DPF3: variants seen among roughly 807,000 people sequenced by gnomAD.
DPF3 encodes zinc finger protein DPF3.
Under a neutral mutation model 56.8 loss-of-function variants are expected in DPF3, and 18 were observed. The observed-to-expected ratio is 0.32, with a 90% CI of 0.22 to 0.47. The LOEUF is 0.47. Ranked by LOEUF, DPF3 falls within the 20% of genes least tolerant of loss-of-function variation. The pLI, the probability that DPF3 is intolerant of heterozygous loss-of-function variation, is 1.00. For missense variants in DPF3, 403 were observed against 488.8 expected, an observed-to-expected ratio of 0.82 and a Z score of 1.65; for synonymous variants, 188 against 180.2, an observed-to-expected ratio of 1.04 and a Z score of -0.35.
intron 1 of DPF3, among the ~76,000 whole-genome samples, chr14:72,799,325 C>T (rs1271642008): frequency 6.6e-6 from 1 of 152,172 alleles, no homozygotes; most frequent in African/African-American, 2.4e-5. Context: ...CTCTACCCTC[C>T]AACTTCAGAG....
Position 72,618,237 on chromosome 14 carries a change from G to T in DPF3, c.*1060C>A, listed in dbSNP as rs1428817404. 6.6e-6 allele frequency among the ~76,000 whole-genome samples: 1 copy of T among 152,176 alleles called. No individual in the cohort carries two copies. Among genetic ancestry groups the T allele is most frequent in the Non-Finnish European group, 1.5e-5 (1 of 68,040 alleles). ...TCCTAAAATTCCCAGTCAGGTCTCA[G>T]TAGACAATAGCGAACAAACACTACG... On this transcript the variant is annotated 3_prime_UTR_variant, in exon 11 of 11. Transcript: ENST00000556509.
intron 8 of DPF3, among the ~76,000 whole-genome samples, chr14:72,646,247 C>T (rs1012398875): frequency 2.0e-5 from 3 of 152,190 alleles, no homozygotes; most frequent in Admixed American, 2.0e-4. Flanking sequence ...ATTCATCCTC[C>T]AAGTCCAGTC....
intron 7 of DPF3, among the ~76,000 whole-genome samples, chr14:72,688,590 C>A (rs1567200975): frequency 6.6e-6 from 1 of 152,196 alleles, no homozygotes; most frequent in Non-Finnish European, 1.5e-5. Context: ...CACTGGGGCT[C>A]CCTACCAAGG....
chr14:72,711,410 C>T (rs978596323), intron 6 of DPF3, among the ~76,000 whole-genome samples: 2 of 152,032 alleles, frequency 1.3e-5, no homozygotes, highest in Non-Finnish European at 2.9e-5. Context: ...AATAATCAAA[C>T]GCATAAGTAG....
rs938436011 is a variant in DPF3, at chr14:72,613,048, G to A, written c.*6249C>T. 2.6e-5 allele frequency among the ~76,000 whole-genome samples: 4 copies of A among 152,052 alleles called. No individual in the cohort carries two copies. The highest frequency in any genetic ancestry group is 7.2e-5 in the African/African-American group (3 of 41,468). Reference sequence around the variant, plus strand: ...TGTGTGTGTATGTGCGTGCGTGCACGCACGCGCATGCACATGGGCATTCCT... The same window carrying A: ...TGTGTGTGTATGTGCGTGCGTGCACACACGCGCATGCACATGGGCATTCCT... On this transcript the variant is annotated 3_prime_UTR_variant, in exon 11 of 11. Transcript: ENST00000556509.
intron 1 of DPF3, among the ~76,000 whole-genome samples, chr14:72,858,495 TC>T (rs1309433314): frequency 9.9e-5 from 15 of 152,126 alleles, no homozygotes; most frequent in Non-Finnish European, 2.2e-4. Flanking sequence ...TTGTGGGCCA[TC>T]GTATTCCATC....
At chr14:72,621,599 T>C (rs1206868463) in intron 9 of DPF3, among the ~76,000 whole-genome samples, 1 of 152,174 alleles carries the variant, frequency 6.6e-6, no homozygotes, top group Non-Finnish European at 1.5e-5. Flanking sequence ...TACGATCAGA[T>C]TGCAGTTTAG....
At chr14:72,793,589 A>C (rs1225873612) in intron 1 of DPF3, among the ~76,000 whole-genome samples, 1 of 152,148 alleles carries the variant, frequency 6.6e-6, no homozygotes, top group Admixed American at 6.5e-5. Flanking sequence ...CCAGGAAGGA[A>C]AAAAGGAAAT....
At chr14:72,726,678 G>A (rs58439153) in intron 4 of DPF3, among the ~76,000 whole-genome samples, 4,343 of 152,206 alleles carry the variant, frequency 0.029, 199 homozygotes, top group African/African-American at 0.099. Flanking sequence ...ATCAGGAGTC[G>A]CCGACGGGGG....
At chr14:72,778,129 C>T (rs371885374) in intron 1 of DPF3, among the ~76,000 whole-genome samples, 76 of 152,246 alleles carry the variant, frequency 5.0e-4, no homozygotes, top group African/African-American at 1.7e-3. Context: ...CCTGCTAGCA[C>T]CCTCATCTTG....
chr14:72,847,029 A>G lies in DPF3; in HGVS notation c.32+47028T>C, dbSNP rs186247838. Reference sequence around the variant, plus strand: ...CTTCATTAACATATTTCTCAGTGATAAGAAGGGCCCAGGGTTCAACATCCC... The same window carrying G: ...CTTCATTAACATATTTCTCAGTGATGAGAAGGGCCCAGGGTTCAACATCCC... On this transcript the variant is annotated intron_variant, in intron 1 of 10. Coordinates refer to ENST00000556509, the MANE Select transcript of DPF3 (RefSeq NM_001280542.3). Among the ~76,000 whole-genome samples the G allele has an allele frequency of 4.6e-3, 701 of 152,294 alleles. 2 individuals carry two copies. Among genetic ancestry groups the G allele is most frequent in the Non-Finnish European group, 6.6e-3 (452 of 68,028 alleles).
chr14:72,753,768 C>T (rs962580487), intron 2 of DPF3, among the ~76,000 whole-genome samples: 7 of 152,150 alleles, frequency 4.6e-5, no homozygotes, highest in African/African-American at 1.4e-4. Context: ...CAAAACGGAG[C>T]AGCAGTCAGT....
intron 6 of DPF3, among the ~76,000 whole-genome samples, chr14:72,707,952 A>G (rs1182632825): frequency 6.6e-6 from 1 of 152,188 alleles, no homozygotes; most frequent in Non-Finnish European, 1.5e-5. Context: ...TTCCATAGAA[A>G]AAGTTATTTT....
At position 72,611,493 on chromosome 14, in the gene DPF3, C is replaced by A. The variant is rs1261350908; in HGVS notation, c.*7804G>T. Among the ~76,000 whole-genome samples, 1 of 152,062 alleles carries A rather than the reference C, an allele frequency of 6.6e-6. No individual in the cohort carries two copies. Among genetic ancestry groups the A allele is most frequent in the African/African-American group, 2.4e-5 (1 of 41,366 alleles). ...TTGCTGGGGTCTGGTGGAGTGTGCC[C>A]AATCTGTACTTGAAGCCCCCACCCC... On this transcript the variant is annotated 3_prime_UTR_variant, in exon 11 of 11. Coordinates refer to ENST00000556509, the MANE Select transcript of DPF3 (RefSeq NM_001280542.3).
At chr14:72,825,449 ACT>A (rs767948069) in intron 1 of DPF3, among the ~76,000 whole-genome samples, 52 of 152,212 alleles carry the variant, frequency 3.4e-4, no homozygotes, top group Non-Finnish European at 6.0e-4. Flanking sequence ...CCTGGCTCAC[ACT>A]CTCTCACAGA....
chr14:72,736,519 C>G (rs985803531), intron 3 of DPF3, among the ~76,000 whole-genome samples: 1 of 152,174 alleles, frequency 6.6e-6, no homozygotes, highest in African/African-American at 2.4e-5. Flanking sequence ...ACTGCAAACC[C>G]TGGTTGCAAA....
At chr14:72,689,556 C>G (rs1210117115) in intron 7 of DPF3, among the ~76,000 whole-genome samples, 1 of 152,224 alleles carries the variant, frequency 6.6e-6, no homozygotes, top group Non-Finnish European at 1.5e-5. Flanking sequence ...ATTCAGCACA[C>G]AGCCCCAGTA....
In DPF3 at chr14:72,796,178, G is replaced by A. The variant is rs116986429; in HGVS notation, c.33-24285C>T. Among the ~76,000 whole-genome samples the A allele has an allele frequency of 9.0e-3, 1,372 of 152,306 alleles. 15 individuals carry two copies. The highest frequency in any genetic ancestry group is 0.024 in the South Asian group (114 of 4,830). On this transcript the variant is annotated intron_variant, in intron 1 of 10. Transcript: ENST00000556509. ...TAATTAGCTGGGTGACTTTAAGAAAGTATGTAACTTATCTGAGCATCCCTT... is the reference window on the plus strand; with the variant it reads ...TAATTAGCTGGGTGACTTTAAGAAAATATGTAACTTATCTGAGCATCCCTT...
rs80116191 is a variant in DPF3 at position 72,787,385 on chromosome 14, C to G, written c.33-15492G>C. ...GGGTTTTTGGCAAATCTCTCAAGCC[C>G]TCTGGGCCCAGGTCTCCCACGTCAA... On this transcript the variant is annotated intron_variant, in intron 1 of 10. Transcript: ENST00000556509. 9.6e-3 allele frequency among the ~76,000 whole-genome samples: 1,469 copies of G among 152,302 alleles called. 27 individuals are homozygous for G. Among genetic ancestry groups the G allele is most frequent in the African/African-American group, 0.034 (1,396 of 41,538 alleles).
Sources: allele counts gnomAD v4.1 joint callset (sites outside exome capture counted in the v4.1 genomes callset), GRCh38; gene constraint gnomAD v4.1.1; transcripts MANE v1.5; gene names NCBI Gene and HGNC (gene_info 2026-07-23, HGNC 2026-07-21).